The following KIRREL3 variants were observed in gnomAD, a reference collection of about 807,000 sequenced individuals.
KIRREL3 encodes the protein kin of IRRE-like protein 3.
Under a neutral mutation model 89.7 loss-of-function variants are expected in KIRREL3, and 36 were observed. The ratio of observed to expected loss-of-function variants is 0.40; its 90% CI spans 0.31 to 0.53. KIRREL3 has a LOEUF of 0.53. Among genes scored for constraint, KIRREL3 ranks in the 20% least tolerant of loss-of-function variants. The pLI, the probability that KIRREL3 is intolerant of heterozygous loss-of-function variation, is 0.49. For missense variants in KIRREL3, 864 were observed against 1,056.6 expected (o/e 0.82, Z 2.53); for synonymous variants, 445 against 441.4 (o/e 1.01, Z -0.10).
chr11:126,895,664 C>T (rs911306963), intron 1 of KIRREL3, among the ~76,000 whole-genome samples: 1 of 152,062 alleles, frequency 6.6e-6, no homozygotes, highest in Admixed American at 6.6e-5. Flanking sequence ...CAAGGGTAAC[C>T]AGACAGGGTT....
At chr11:126,678,774 G>A (rs1426220829) in intron 1 of KIRREL3, among the ~76,000 whole-genome samples, 1 of 152,156 alleles carries the variant, frequency 6.6e-6, no homozygotes, top group Non-Finnish European at 1.5e-5. Flanking sequence ...GTGGCTTCTG[G>A]CAGGGGAGTG....
chr11:126,677,461 T>C lies in KIRREL3; in HGVS notation c.56-114549A>G, dbSNP rs1435224466. 6.6e-6 allele frequency among the ~76,000 whole-genome samples: 1 copy of C among 152,192 alleles called. No individual in the cohort carries two copies. The highest frequency in any genetic ancestry group is 6.5e-5 in the Admixed American group (1 of 15,290). ...TGCTATCTATTATCTCCTCTAATTC[T>C]CACCACCTCTTTGGAAAGCCAGCCT... is the stretch of plus-strand genomic sequence containing the variant. On this transcript the variant is annotated intron_variant, in intron 1 of 16. Transcript: ENST00000525144. This position sits in a 1 kb window ranked among gnomAD's most constrained non-coding sequence, Gnocchi z 5.1.
chr11:126,997,244 G>A lies in KIRREL3; in HGVS notation c.55+3211C>T, dbSNP rs1012565069. On this transcript the variant is annotated intron_variant, in intron 1 of 16. Transcript: ENST00000525144. The surrounding 1 kb of genome is among the most constrained non-coding windows in gnomAD (Gnocchi z 4.3). ...TAAGTTTATGGATGACAAAAGAATC[G>A]ATTATTTTTTCACCCAGGGGCAGAA... 2.6e-5 allele frequency among the ~76,000 whole-genome samples: 4 copies of A among 152,164 alleles called. No individual in the cohort carries two copies. Among genetic ancestry groups the A allele is most frequent in the Non-Finnish European group, 5.9e-5 (4 of 68,036 alleles).
rs2134455363 is a variant in KIRREL3, at chr11:126,530,478, G to C, written c.134-3791C>G. ...CATTTTCTGCAGCCTCCTGGATAGT[G>C]CCTTAAGTAGACAGTGAGCTCCTGA... On this transcript the variant is annotated intron_variant, in intron 2 of 16. Transcript: ENST00000525144. This position sits in a 1 kb window ranked among gnomAD's most constrained non-coding sequence, Gnocchi z 5.8. Among the ~76,000 whole-genome samples, 1 of 152,306 alleles carries C rather than the reference G, an allele frequency of 6.6e-6. No homozygotes were observed.
At chr11:126,818,126 G>T (rs1303310302) in intron 1 of KIRREL3, among the ~76,000 whole-genome samples, 4 of 152,336 alleles carry the variant, frequency 2.6e-5, no homozygotes, top group African/African-American at 9.6e-5. Flanking sequence ...TCAAAGATCA[G>T]GTTGTAAGGT....
intron 1 of KIRREL3, among the ~76,000 whole-genome samples, chr11:126,589,115 T>G (rs1373838353): frequency 6.6e-6 from 1 of 152,232 alleles, no homozygotes; most frequent in Admixed American, 6.5e-5. Context: ...GAGCAATTAC[T>G]GCTGCCCTGG....
At position 126,579,828 on chromosome 11, in the gene KIRREL3, T is replaced by G. The variant is rs534976344; in HGVS notation, c.56-16916A>C. On this transcript the variant is annotated intron_variant, in intron 1 of 16. Transcript: ENST00000525144. This position sits in a 1 kb window ranked among gnomAD's most constrained non-coding sequence, Gnocchi z 5.3. ...CTGTCTGTCTCCTTGAATTGTGAGG[T>G]CCTTAAAAGAGGGAGCCAAGTCATT... Among the ~76,000 whole-genome samples the G allele has an allele frequency of 7.2e-6, 1 of 139,318 alleles. No homozygotes were observed. Among genetic ancestry groups the G allele is most frequent in the South Asian group, 2.4e-4 (1 of 4,120 alleles). The allele number at this position is 139,318 out of a possible 152,430, so 91.4% of individuals were successfully genotyped here.
At chr11:126,751,300 C>G (rs1253835058) in intron 1 of KIRREL3, among the ~76,000 whole-genome samples, 1 of 152,240 alleles carries the variant, frequency 6.6e-6, no homozygotes, top group Non-Finnish European at 1.5e-5. Context: ...CAATTCTTCA[C>G]AGCCAGAAAG....
intron 1 of KIRREL3, among the ~76,000 whole-genome samples, chr11:126,672,163 G>A (rs1945980037): frequency 6.6e-6 from 1 of 152,214 alleles, no homozygotes; most frequent in African/African-American, 2.4e-5. Context: ...CATGCTGAGT[G>A]TTGTGGAACA....
At chr11:126,690,057 G>T (rs1174410695) in intron 1 of KIRREL3, among the ~76,000 whole-genome samples, 1 of 152,140 alleles carries the variant, frequency 6.6e-6, no homozygotes, top group African/African-American at 2.4e-5. Flanking sequence ...CGAGAAGAAA[G>T]CCACGACCCC....
chr11:126,552,613 G>A (rs1939374446), intron 2 of KIRREL3, among the ~76,000 whole-genome samples: 2 of 122,478 alleles, frequency 1.6e-5, no homozygotes, highest in Middle Eastern at 0.015. Flanking sequence ...TCCGGCTGAA[G>A]TGCAATGGCA....
chr11:126,855,693 C>T (rs565249272), intron 1 of KIRREL3, among the ~76,000 whole-genome samples: 195 of 152,354 alleles, frequency 1.3e-3, no homozygotes, highest in African/African-American at 4.5e-3. Flanking sequence ...GCTCCATCAC[C>T]AGCCTTTCCA....
At position 126,805,586 on chromosome 11, in the gene KIRREL3, A is replaced by C. The variant is rs936924277; in HGVS notation, c.55+194869T>G. ...CCATTAATTAATGAATAAATTAAAC[A>C]AGGCTTTTCCACTCTATCATCTTGT... On this transcript the variant is annotated intron_variant, in intron 1 of 16. Transcript: ENST00000525144. This position sits in a 1 kb window ranked among gnomAD's most constrained non-coding sequence, Gnocchi z 4.3. 1.1e-4 allele frequency among the ~76,000 whole-genome samples: 16 copies of C among 152,206 alleles called. No individual in the cohort carries two copies. Among genetic ancestry groups the C allele is most frequent in the African/African-American group, 3.9e-4 (16 of 41,450 alleles).
At position 126,578,650 on chromosome 11, in the gene KIRREL3, C is replaced by G. The variant is rs1323563152; in HGVS notation, c.56-15738G>C. On this transcript the variant is annotated intron_variant, in intron 1 of 16. Transcript: ENST00000525144. This position sits in a 1 kb window ranked among gnomAD's most constrained non-coding sequence, Gnocchi z 4.9. Reference sequence around the variant, plus strand: ...GTCTGCTCAGGTCCTGGGGGAGGGACTCAGAATCCGCCTCACACCCATGGA... The same window carrying G: ...GTCTGCTCAGGTCCTGGGGGAGGGAGTCAGAATCCGCCTCACACCCATGGA... Among the ~76,000 whole-genome samples the G allele has an allele frequency of 6.6e-6, 1 of 152,126 alleles. No homozygotes were observed. The highest frequency in any genetic ancestry group is 6.5e-5 in the Admixed American group (1 of 15,288).
chr11:126,753,863 A>C (rs550573592), intron 1 of KIRREL3, among the ~76,000 whole-genome samples: 1 of 152,342 alleles, frequency 6.6e-6, no homozygotes, highest in African/African-American at 2.4e-5. Flanking sequence ...ATTAGATAGA[A>C]GGGTCCACAG....
intron 1 of KIRREL3, among the ~76,000 whole-genome samples, chr11:126,799,591 C>T (rs1390337282): frequency 1.8e-5 from 2 of 113,084 alleles, no homozygotes; most frequent in South Asian, 3.1e-4. Flanking sequence ...AACTTGAGCC[C>T]GTGTGGAACT....
chr11:126,440,740 A>G, intron 10 of KIRREL3, 191 bp from the exon 11 acceptor site: 1 of 630,938 alleles, frequency 1.6e-6, no homozygotes, highest in Non-Finnish European at 2.9e-6. Context: ...TAAACCTCTC[A>G]AGGGATCATG....
Position 126,902,410 on chromosome 11 carries a change from C to A in KIRREL3, c.55+98045G>T, listed in dbSNP as rs140635670. On this transcript the variant is annotated intron_variant, in intron 1 of 16. Coordinates refer to ENST00000525144, the MANE Select transcript of KIRREL3 (RefSeq NM_032531.4). The stretch of plus-strand genomic sequence containing the variant: ...TTAATCTATTTGAAATATGTGCATG[C>A]ACACACCTATATGCACATATTTATG... Among the ~76,000 whole-genome samples, 383 of 152,312 alleles carry A rather than the reference C, an allele frequency of 2.5e-3. 1 individual carries two copies. Among genetic ancestry groups the A allele is most frequent in the African/African-American group, 8.9e-3 (371 of 41,554 alleles).
At chr11:126,718,845 G>A (rs1200770262) in intron 1 of KIRREL3, among the ~76,000 whole-genome samples, 1 of 152,028 alleles carries the variant, frequency 6.6e-6, no homozygotes, top group Non-Finnish European at 1.5e-5. Context: ...CGATACAGGG[G>A]GCCTCACTGA....
Sources: gnomAD v4.1 joint callset for allele counts (sites outside exome capture counted in the v4.1 genomes callset) on GRCh38, gnomAD v4.1.1 for gene constraint, Gnocchi (gnomAD v3.1) non-coding constraint, MANE v1.5 for transcripts, NCBI Gene and HGNC (gene_info 2026-07-23, HGNC 2026-07-21) for gene names.